The following DLGAP2 variants were observed in gnomAD, a reference collection of about 807,000 sequenced individuals.
DLGAP2 encodes the protein DLG associated protein 2, also known as disks large-associated protein 2.
DLGAP2 carries 26 observed loss-of-function variants against 100.3 expected under a neutral mutation model. The observed-to-expected ratio is 0.26, with a 90% CI of 0.19 to 0.36. DLGAP2 has a LOEUF of 0.36. Ranked by LOEUF, DLGAP2 falls within the 10% of genes least tolerant of loss-of-function variation. The pLI, the probability that DLGAP2 is intolerant of heterozygous loss-of-function variation, is 1.00. For synonymous variants in DLGAP2, 886 were observed against 630.1 expected, an observed-to-expected ratio of 1.41 and a Z score of -6.08; for missense variants, 1,858 against 1,453.2, an observed-to-expected ratio of 1.28 and a Z score of -4.53.
At chr8:1,437,278 A>G (rs935517562) in intron 3 of DLGAP2, among the ~76,000 whole-genome samples, 1 of 152,210 alleles carries the variant, frequency 6.6e-6, no homozygotes, top group African/African-American at 2.4e-5. Context: ...GTCTCCGTTC[A>G]GCCCAGGCAT....
chr8:1,390,124 A>T (rs1408975437), intron 3 of DLGAP2, among the ~76,000 whole-genome samples: 1 of 151,982 alleles, frequency 6.6e-6, no homozygotes, highest in Non-Finnish European at 1.5e-5. Flanking sequence ...CTTAGAGGAG[A>T]AGCTCTTCCA....
intron 2 of DLGAP2, among the ~76,000 whole-genome samples, chr8:1,181,761 C>T (rs1797393308): frequency 6.6e-6 from 1 of 152,084 alleles, no homozygotes; most frequent in African/African-American, 2.4e-5. Flanking sequence ...CCCGTGCTCC[C>T]CAGGCTGGGC....
chr8:781,418 A>ATT (rs150256232), intron 1 of DLGAP2, among the ~76,000 whole-genome samples: 5 of 150,040 alleles, frequency 3.3e-5, no homozygotes, highest in African/African-American at 1.2e-4. Context: ...GACCTCAGGG[A>ATT]TTTTTTTTTT....
intron 1 of DLGAP2, among the ~76,000 whole-genome samples, chr8:764,112 A>C (rs1353233756): frequency 6.6e-6 from 1 of 152,180 alleles, no homozygotes; most frequent in African/African-American, 2.4e-5. Context: ...GTACTGAGTC[A>C]TGCCTCTCCC....
intron 2 of DLGAP2, among the ~76,000 whole-genome samples, chr8:994,914 A>C (rs12678611): frequency 0.035 from 5,314 of 152,272 alleles, 273 homozygotes; most frequent in Admixed American, 0.13. Flanking sequence ...TAGAATGTCT[A>C]AGGAAAATCG....
At position 1,251,421 on chromosome 8, in the gene DLGAP2, A is replaced by G. The variant is rs371484440; in HGVS notation, c.74-7430A>G. Among the ~76,000 whole-genome samples the G allele has an allele frequency of 2.6e-4, 40 of 152,306 alleles. No homozygotes were observed. In the South Asian group the frequency reaches 7.9e-3, roughly 30 times the overall value. On this transcript the variant is annotated intron_variant, in intron 2 of 14. Transcript: ENST00000637795. ...TTTCCATTTGAGCAGATAAGATTCC[A>G]TAGCATCCACAAATTGTATTTACTG...
chr8:1,023,612 T>C (rs991015443), intron 2 of DLGAP2, among the ~76,000 whole-genome samples: 1 of 151,038 alleles, frequency 6.6e-6, no homozygotes, highest in Non-Finnish European at 1.5e-5. Flanking sequence ...GCCCCGTTTG[T>C]TCCTGCTCAG....
intron 4 of DLGAP2, among the ~76,000 whole-genome samples, chr8:1,519,143 G>A (rs377054310): frequency 4.6e-5 from 7 of 152,206 alleles, no homozygotes. Context: ...TGTCAGAAGG[G>A]AAGAATATTT....
intron 2 of DLGAP2, among the ~76,000 whole-genome samples, chr8:1,241,555 G>A (rs1470472161): frequency 2.0e-5 from 3 of 152,204 alleles, no homozygotes; most frequent in Non-Finnish European, 2.9e-5. Flanking sequence ...TCCCATGGGG[G>A]CCTTTGATCC....
chr8:814,850 C>CAAAAAAA (rs34412684), intron 1 of DLGAP2, among the ~76,000 whole-genome samples: 12 of 61,870 alleles, frequency 1.9e-4, no homozygotes, highest in Non-Finnish European at 2.3e-4. Flanking sequence ...GACTCCGTCT[C>CAAAAAAA]AAAAAAAAAA....
At chr8:921,161 CT>C (rs1304972219) in intron 2 of DLGAP2, among the ~76,000 whole-genome samples, 6 of 152,120 alleles carry the variant, frequency 3.9e-5, no homozygotes, top group African/African-American at 1.4e-4. Context: ...CCTTTTCTTC[CT>C]TTTTTGTTTA....
intron 2 of DLGAP2, among the ~76,000 whole-genome samples, chr8:1,235,226 GGCATGTCTAGTTCTCTCACA>G (rs1798622935): frequency 1.7e-5 from 2 of 117,516 alleles, no homozygotes; most frequent in African/African-American, 5.9e-5. Flanking sequence ...TCTCACACAT[GGCATGTCTAGTTCTCTCACA>G]CATGGCGTCG....
intron 1 of DLGAP2, among the ~76,000 whole-genome samples, chr8:786,927 C>T (rs191421166): frequency 1.2e-4 from 19 of 152,182 alleles, no homozygotes; most frequent in African/African-American, 4.3e-4. Context: ...TGCCTCAAAA[C>T]ACTTCTGTCC....
chr8:1,528,129 C>A (rs1305222820), intron 4 of DLGAP2, among the ~76,000 whole-genome samples: 5 of 152,230 alleles, frequency 3.3e-5, no homozygotes, highest in African/African-American at 1.2e-4. Flanking sequence ...CAGGCCTCCA[C>A]CCCGTCGGAC....
At chr8:815,326 T>C (rs1796456359) in intron 1 of DLGAP2, among the ~76,000 whole-genome samples, 1 of 152,208 alleles carries the variant, frequency 6.6e-6, no homozygotes. Flanking sequence ...GAACACCCTG[T>C]TCCCTCAAGC....
chr8:1,621,609 C>G (rs958243967), intron 6 of DLGAP2: 1 of 152,158 alleles, frequency 6.6e-6, no homozygotes, highest in Non-Finnish European at 1.5e-5. Context: ...GGACTCTGCT[C>G]AGAAGCCACT....
chr8:1,598,369 C>T (rs759365031), intron 6 of DLGAP2, among the ~76,000 whole-genome samples: 5 of 152,158 alleles, frequency 3.3e-5, no homozygotes, highest in Non-Finnish European at 7.4e-5. Flanking sequence ...CAGGATGATG[C>T]TGGCCTCATA....
intron 2 of DLGAP2, among the ~76,000 whole-genome samples, chr8:1,112,156 T>C (rs1804976945): frequency 6.6e-6 from 1 of 152,072 alleles, no homozygotes; most frequent in African/African-American, 2.4e-5. Context: ...TCTCTAATGA[T>C]AAATGATATT....
At chr8:1,613,727 CT>C (rs1490526344) in intron 6 of DLGAP2, among the ~76,000 whole-genome samples, 1 of 152,050 alleles carries the variant, frequency 6.6e-6, no homozygotes, top group Non-Finnish European at 1.5e-5. Flanking sequence ...CAGTAAAGCC[CT>C]TTTTCGAGAA....
Sources: gnomAD v4.1 joint callset for allele counts (sites outside exome capture counted in the v4.1 genomes callset) on GRCh38, gnomAD v4.1.1 for gene constraint, MANE v1.5 for transcripts, NCBI Gene and HGNC (gene_info 2026-07-23, HGNC 2026-07-21) for gene names.